Variants in MREG observed in about 807,000 individuals in gnomAD.
MREG encodes dilute suppressor protein homolog.
MREG carries 31 observed loss-of-function variants against 28.5 expected under a neutral mutation model. The ratio of observed to expected loss-of-function variants is 1.09; its 90% CI spans 0.82 to 1.47. The LOEUF (loss-of-function observed/expected upper bound fraction) is 1.47, where lower values mean the gene tolerates loss of function less well. MREG is among the 40% of genes most tolerant of loss of function. The probability of loss-of-function intolerance (pLI) is 0.00; values close to 1 mark genes in which losing one functional copy is unlikely to be tolerated. For missense variants in MREG, 256 were observed against 257.4 expected (o/e 0.99, Z 0.04); for synonymous variants, 106 against 95.2 (o/e 1.11, Z -0.66).
chr2:215,965,249 TG>T (rs1692908551), intron 2 of MREG, among the ~76,000 whole-genome samples: 1 of 152,226 alleles, frequency 6.6e-6, no homozygotes, highest in African/African-American at 2.4e-5. Flanking sequence ...AAAATCCTAT[TG>T]ATACATTTGC....
upstream of MREG, chr2:216,033,646 T>G (rs746368207): frequency 6.6e-6 from 1 of 152,336 alleles, no homozygotes; most frequent in Non-Finnish European, 1.5e-5. Context: ...GGAGAACAAG[T>G]CTGAAGGCTG....
chr2:216,030,578 C>G (rs1694664229), intron 1 of MREG, among the ~76,000 whole-genome samples: 1 of 152,012 alleles, frequency 6.6e-6, no homozygotes, highest in Admixed American at 6.6e-5. Context: ...GGGTCTCGCC[C>G]TGTCACCCAA....
intron 1 of MREG, among the ~76,000 whole-genome samples, chr2:216,018,964 C>T (rs1157157966): frequency 6.6e-6 from 1 of 152,210 alleles, no homozygotes; most frequent in East Asian, 1.9e-4. Context: ...CTATAATTTG[C>T]TTCTTAACGG....
At chr2:215,972,407 C>T (rs866455022) in intron 2 of MREG, among the ~76,000 whole-genome samples, 1 of 152,080 alleles carries the variant, frequency 6.6e-6, no homozygotes, top group African/African-American at 2.4e-5. Flanking sequence ...CTTTGGGAGG[C>T]CGAGGCAAGT....
At chr2:215,962,444 A>G (rs1207449735) in intron 2 of MREG, among the ~76,000 whole-genome samples, 2 of 152,210 alleles carry the variant, frequency 1.3e-5, no homozygotes, top group Admixed American at 1.3e-4. Context: ...GTTATTCCTA[A>G]TCAACTAGTT....
intron 2 of MREG, among the ~76,000 whole-genome samples, chr2:215,954,692 G>A (rs1174977791): frequency 2.0e-5 from 3 of 151,690 alleles, no homozygotes; most frequent in African/African-American, 4.9e-5. Context: ...TTTTTCTTAT[G>A]CATTCACTAT....
At chr2:216,009,367 G>T (rs1326829506) in intron 1 of MREG, among the ~76,000 whole-genome samples, 1 of 152,132 alleles carries the variant, frequency 6.6e-6, no homozygotes, top group East Asian at 1.9e-4. Flanking sequence ...CTGCTAAGTG[G>T]GGGTTGGGTG....
intron 2 of MREG, among the ~76,000 whole-genome samples, chr2:215,986,937 C>T (rs1460789449): frequency 6.6e-6 from 1 of 152,084 alleles, no homozygotes; most frequent in African/African-American, 2.4e-5. Context: ...TACTTTGATC[C>T]AACAATTCTA....
At chr2:216,011,061 A>G (rs1168898877) in intron 1 of MREG, among the ~76,000 whole-genome samples, 1 of 146,170 alleles carries the variant, frequency 6.8e-6, no homozygotes, top group Non-Finnish European at 1.5e-5. Context: ...ATGCCACTGC[A>G]CTCCAGCCTG....
intron 2 of MREG, among the ~76,000 whole-genome samples, chr2:215,979,110 C>T (rs995137159): frequency 8.5e-5 from 13 of 152,176 alleles, no homozygotes; most frequent in South Asian, 6.2e-4. Flanking sequence ...AAGCTGGATG[C>T]TATCTTACAT....
At chr2:215,979,555 T>C (rs928489379) in intron 2 of MREG, among the ~76,000 whole-genome samples, 3 of 151,484 alleles carry the variant, frequency 2.0e-5, no homozygotes, top group Non-Finnish European at 4.4e-5. Context: ...CTAAATTCAC[T>C]GAACCTTGTA....
downstream of MREG, among the ~76,000 whole-genome samples, chr2:215,940,696 A>G (rs2105960788): frequency 6.6e-6 from 1 of 152,332 alleles, no homozygotes; most frequent in Non-Finnish European, 1.5e-5. Flanking sequence ...GGAGATTGGC[A>G]TGAAAGAAGT....
intron 2 of MREG, among the ~76,000 whole-genome samples, chr2:215,986,550 T>C (rs1412326800): frequency 6.6e-6 from 1 of 152,208 alleles, no homozygotes; most frequent in East Asian, 1.9e-4. Flanking sequence ...AATGAAGTGA[T>C]ATAGTTTGGC....
chr2:216,025,403 A>G (rs546891585), intron 1 of MREG, among the ~76,000 whole-genome samples: 4 of 152,214 alleles, frequency 2.6e-5, no homozygotes, highest in East Asian at 1.9e-4. Context: ...GGTACTGCCA[A>G]TTAGCTTCCC....
chr2:215,944,485 C>G lies in MREG; in HGVS notation c.*378G>C, dbSNP rs1178724209. 2 of 157,522 alleles carry G rather than the reference C, an allele frequency of 1.3e-5. No homozygotes were observed. Among genetic ancestry groups the G allele is most frequent in the Admixed American group, 6.4e-5 (1 of 15,634 alleles). The allele number at this position is 157,522 out of a possible 1,614,324, so 9.8% of individuals were successfully genotyped here. ...TCCATTTTGGGACTCAATGACAGCT[C>G]TCTCTATTAATCATATTGTTTTATT... On this transcript the variant is annotated 3_prime_UTR_variant, in exon 5 of 5. Transcript: ENST00000263268.
intron 2 of MREG, among the ~76,000 whole-genome samples, chr2:215,990,844 A>T (rs1405380473): frequency 1.3e-5 from 2 of 152,240 alleles, no homozygotes; most frequent in African/African-American, 4.8e-5. Flanking sequence ...AAAAGAGCTA[A>T]CTATCCTAAA....
intron 2 of MREG, among the ~76,000 whole-genome samples, chr2:215,977,968 G>T (rs111745184): frequency 0.012 from 1,877 of 152,182 alleles, 38 homozygotes; most frequent in African/African-American, 0.042. Context: ...ACAATTAAAA[G>T]AACTAGAGAA....
intron 1 of MREG, among the ~76,000 whole-genome samples, chr2:216,029,871 G>C (rs189318512): frequency 1.3e-3 from 194 of 152,316 alleles, no homozygotes; most frequent in South Asian, 3.7e-3. Context: ...TTTTACAAGA[G>C]AGGAATGTGC....
At chr2:216,006,614 A>C (rs989813346) in intron 1 of MREG, among the ~76,000 whole-genome samples, 10 of 152,208 alleles carry the variant, frequency 6.6e-5, no homozygotes, top group African/African-American at 2.4e-4. Context: ...AAAACCCAAT[A>C]GTATGTGCTG....
Sources: gnomAD v4.1 joint callset for allele counts (sites outside exome capture counted in the v4.1 genomes callset) on GRCh38, gnomAD v4.1.1 for gene constraint, MANE v1.5 for transcripts, NCBI Gene and HGNC (gene_info 2026-07-23, HGNC 2026-07-21) for gene names.